Variants in CUX2 observed in about 807,000 individuals in gnomAD.
The protein encoded by CUX2 is cut like homeobox 2, also known as homeobox protein cut-like 2.
In CUX2, 40 loss-of-function variants were observed where a neutral mutation model predicts 144.8. That is an observed-to-expected ratio of 0.28 (90% CI 0.21 to 0.36). The LOEUF is 0.36. Ranked by LOEUF, CUX2 falls within the 10% of genes least tolerant of loss-of-function variation. The pLI is 1.00. For missense variants in CUX2, 1,615 were observed against 1,994.0 expected (o/e 0.81, Z 3.62); for synonymous variants, 827 against 875.6 (o/e 0.94, Z 0.98).
In CUX2 at chr12:111,190,457, A is replaced by G. The variant is rs57627828; in HGVS notation, c.64-23743A>G. On this transcript the variant is annotated intron_variant, in intron 1 of 21. Transcript: ENST00000261726. The surrounding 1 kb of genome is among the most constrained non-coding windows in gnomAD (Gnocchi z 4.0). ...CCTTTCTCAGGGAGACATCTCCCCA[A>G]ATTCATGAACATTCCTCCACCTAGC... 0.015 allele frequency among the ~76,000 whole-genome samples: 2,244 copies of G among 152,238 alleles called. 51 individuals carry two copies. The highest frequency in any genetic ancestry group is 0.05 in the African/African-American group (2,069 of 41,526).
At chr12:111,154,004 C>G (rs1373379344) in intron 1 of CUX2, among the ~76,000 whole-genome samples, 1 of 152,078 alleles carries the variant, frequency 6.6e-6, no homozygotes, top group Non-Finnish European at 1.5e-5. Flanking sequence ...ACAAAGACAC[C>G]AACGATACTG....
In CUX2 at chr12:111,277,497, C is replaced by T. The variant is rs956097511; in HGVS notation, c.301+13658C>T. On this transcript the variant is annotated intron_variant, in intron 4 of 21. Transcript: ENST00000261726. This position sits in a 1 kb window ranked among gnomAD's most constrained non-coding sequence, Gnocchi z 5.0. ...ATTAGGGCTCCGCGGAGACACCACT[C>T]CCCTCACCAGGCTGCCCATTTAGCG... 2.0e-5 allele frequency among the ~76,000 whole-genome samples: 3 copies of T among 152,190 alleles called. No individual in the cohort carries two copies. The highest frequency in any genetic ancestry group is 2.0e-4 in the Admixed American group (3 of 15,282).
chr12:111,312,178 A>G lies in CUX2; in HGVS notation c.1979A>G (p.Lys660Arg). 1 of 1,610,554 alleles carries G rather than the reference A, an allele frequency of 6.2e-7. No homozygotes were observed. Among genetic ancestry groups the G allele is most frequent in the Admixed American group, 1.7e-5 (1 of 59,904 alleles). The change falls in exon 16 of 22, where the codon AAG becomes AGG. Residue 660 changes from lysine to arginine, a missense_variant. This residue lies in a region of CUX2 where 390 missense variants were observed against 387.1 expected (regional missense o/e 1.01). Transcript: ENST00000261726. The surrounding 1 kb of genome is among the most constrained non-coding windows in gnomAD (Gnocchi z 4.3). ...AAGAGCATTCTAGAGCAGGCCAAGA[A>G]GGAGATCGAGTCGCAGAAGGGCGGT... ...AIKSILEQAK[K>R]EIESQKGGEP... is the part of the protein sequence containing the mutation.
intron 1 of CUX2, among the ~76,000 whole-genome samples, chr12:111,140,390 G>C (rs1012609510): frequency 1.3e-5 from 2 of 152,168 alleles, no homozygotes; most frequent in Non-Finnish European, 2.9e-5. Context: ...GAGATTTTCA[G>C]AGTTTTATTC....
rs1410470626 is a variant in CUX2, at chr12:111,349,456, C to T, written c.*1131C>T. On this transcript the variant is annotated 3_prime_UTR_variant, in exon 22 of 22. Coordinates refer to ENST00000261726, the MANE Select transcript of CUX2 (RefSeq NM_015267.4). ...AAAGTAGATTCATCAAACTAGAGAC[C>T]CCAGCTCCCCTTCTCGCCATCTTCT... 1 of 152,120 alleles carries T rather than the reference C, an allele frequency of 6.6e-6. No individual in the cohort carries two copies. Among genetic ancestry groups the T allele is most frequent in the Non-Finnish European group, 1.5e-5 (1 of 68,062 alleles). 9.4% of individuals were successfully genotyped at this position (152,120 alleles called of 1,614,324 possible).
At chr12:111,189,985 A>G (rs1879782701) in intron 1 of CUX2, among the ~76,000 whole-genome samples, 1 of 152,196 alleles carries the variant, frequency 6.6e-6, no homozygotes, top group South Asian at 2.1e-4. Flanking sequence ...CCTTGTCAAC[A>G]CTTGGTATTA....
chr12:111,345,633 T>C (rs1888766679), intron 21 of CUX2, among the ~76,000 whole-genome samples: 1 of 150,198 alleles, frequency 6.7e-6, no homozygotes, highest in South Asian at 2.1e-4. Context: ...TCCCAGCTAC[T>C]CGGGAGGCTG....
chr12:111,211,523 G>A (rs1338543802), intron 1 of CUX2, among the ~76,000 whole-genome samples: 1 of 152,148 alleles, frequency 6.6e-6, no homozygotes, highest in Non-Finnish European at 1.5e-5. Flanking sequence ...GAGAGGCAAA[G>A]TTCACCCCCA....
intron 1 of CUX2, among the ~76,000 whole-genome samples, chr12:111,073,449 G>A (rs1448105085): frequency 6.6e-6 from 1 of 152,100 alleles, no homozygotes; most frequent in Admixed American, 6.5e-5. Flanking sequence ...TACAAACAGT[G>A]CTGTTAGGAA....
chr12:111,112,169 T>C (rs988912210), intron 1 of CUX2, among the ~76,000 whole-genome samples: 6 of 152,160 alleles, frequency 3.9e-5, no homozygotes, highest in Non-Finnish European at 8.8e-5. Context: ...TCAGTGAGTT[T>C]TGCCCATGTC....
intron 1 of CUX2, among the ~76,000 whole-genome samples, chr12:111,159,651 C>T (rs1373857285): frequency 1.3e-5 from 2 of 152,178 alleles, no homozygotes; most frequent in Admixed American, 6.5e-5. Context: ...AGCCCCCTTC[C>T]GGCTATTCAC....
At position 111,171,053 on chromosome 12, in the gene CUX2, C is replaced by T. The variant is rs903981054; in HGVS notation, c.64-43147C>T. Among the ~76,000 whole-genome samples the T allele has an allele frequency of 2.6e-5, 4 of 152,244 alleles. No homozygotes were observed. The highest frequency in any genetic ancestry group is 2.6e-4 in the Admixed American group (4 of 15,296). ...GGTGTTCTGGTTGCCCTGGTGATGCCTCTTGGGCTGTGACCCAGAGTGGCG... is the reference window on the plus strand; with the variant it reads ...GGTGTTCTGGTTGCCCTGGTGATGCTTCTTGGGCTGTGACCCAGAGTGGCG... On this transcript the variant is annotated intron_variant, in intron 1 of 21. Coordinates refer to ENST00000261726, the MANE Select transcript of CUX2 (RefSeq NM_015267.4). This position sits in a 1 kb window ranked among gnomAD's most constrained non-coding sequence, Gnocchi z 5.0.
intron 1 of CUX2, among the ~76,000 whole-genome samples, chr12:111,193,942 G>A (rs1429896688): frequency 2.9e-5 from 3 of 104,012 alleles, no homozygotes; most frequent in South Asian, 3.4e-4. Context: ...CATTCTGGAT[G>A]CCAAGGTTGG....
intron 4 of CUX2, among the ~76,000 whole-genome samples, chr12:111,273,729 C>A (rs1884731238): frequency 6.6e-6 from 1 of 152,146 alleles, no homozygotes; most frequent in African/African-American, 2.4e-5. Context: ...GGTTGAAGAA[C>A]CTCCCTGCAG....
At chr12:111,298,735 G>A in intron 9 of CUX2, 146 bp downstream of exon 9, 1 of 939,474 alleles carries the variant, frequency 1.1e-6, no homozygotes, top group Non-Finnish European at 1.6e-6. Context: ...AGGGAGCCAG[G>A]AGGAGTCTGG....
At chr12:111,153,716 T>C (rs1192874193) in intron 1 of CUX2, among the ~76,000 whole-genome samples, 1 of 152,060 alleles carries the variant, frequency 6.6e-6, no homozygotes, top group Non-Finnish European at 1.5e-5. Flanking sequence ...AGCAAACATA[T>C]AGTTAAGAAC....
At chr12:111,069,543 T>G (rs973138407) in intron 1 of CUX2, among the ~76,000 whole-genome samples, 1 of 151,686 alleles carries the variant, frequency 6.6e-6, no homozygotes, top group African/African-American at 2.4e-5. Flanking sequence ...TGTGTGTGTG[T>G]GTGTGTGTGC....
Position 111,299,632 on chromosome 12 carries a change from C to A in CUX2, c.753+1043C>A, listed in dbSNP as rs572612989. ...CGCAGTGGCTTCCCTGAGCTTAGGT[C>A]CAGCATATTTTTCTGAAATGATCAT... On this transcript the variant is annotated intron_variant, in intron 9 of 21. Coordinates refer to ENST00000261726, the MANE Select transcript of CUX2 (RefSeq NM_015267.4). Among the ~76,000 whole-genome samples the A allele has an allele frequency of 9.9e-5, 15 of 152,266 alleles. No individual in the cohort carries two copies. The South Asian group carries it at 2.3e-3, about 23-fold the overall frequency.
At chr12:111,036,830 A>G (rs1475776072) in intron 1 of CUX2, among the ~76,000 whole-genome samples, 1 of 151,988 alleles carries the variant, frequency 6.6e-6, no homozygotes, top group Non-Finnish European at 1.5e-5. Flanking sequence ...TTGGCCCTCC[A>G]TCTGCCGCGT....
Sources: gnomAD v4.1 joint callset for allele counts (sites outside exome capture counted in the v4.1 genomes callset) on GRCh38, gnomAD v4.1.1 for gene constraint, gnomAD v4.1.1 regional missense constraint, Gnocchi (gnomAD v3.1) non-coding constraint, MANE v1.5 for transcripts, NCBI Gene and HGNC (gene_info 2026-07-23, HGNC 2026-07-21) for gene names.